The following COMMD1 variants were observed in gnomAD, a reference collection of about 807,000 sequenced individuals.
COMMD1 encodes the protein copper metabolism domain containing 1, also known as COMM domain-containing protein 1.
A neutral mutation model predicts 17.2 loss-of-function variants in COMMD1; 10 were observed. That is an observed-to-expected ratio of 0.58 (90% confidence interval 0.36 to 0.99). The LOEUF is 0.99. Ranked by LOEUF, COMMD1 falls within the 50% of genes least tolerant of loss-of-function variation. The probability of loss-of-function intolerance (pLI) is 0.01; values close to 1 mark genes in which losing one functional copy is unlikely to be tolerated. For missense variants in COMMD1, 270 were observed against 231.8 expected, an observed-to-expected ratio of 1.17 and a Z score of -1.07; for synonymous variants, 97 against 91.6, an observed-to-expected ratio of 1.06 and a Z score of -0.34.
chr2:62,094,273 T>C (rs1450008207), intron 2 of COMMD1, among the ~76,000 whole-genome samples: 1 of 152,098 alleles, frequency 6.6e-6, no homozygotes, highest in Non-Finnish European at 1.5e-5. Flanking sequence ...GCTAACAGAA[T>C]AGTGTTGAGT....
intron 2 of COMMD1, among the ~76,000 whole-genome samples, chr2:62,036,635 G>A (rs1165640610): frequency 2.0e-5 from 3 of 152,172 alleles, no homozygotes; most frequent in Admixed American, 6.5e-5. Context: ...TTTGTTTGTT[G>A]TTGTTGTTTC....
intron 2 of COMMD1, among the ~76,000 whole-genome samples, chr2:62,034,088 C>CAAAAAA (rs34439318): frequency 3.5e-4 from 22 of 62,436 alleles, no homozygotes; most frequent in East Asian, 1.4e-3. Flanking sequence ...GACCCTGTCT[C>CAAAAAA]AAAAAAAAAA....
chr2:62,085,381 C>T (rs1038796495), intron 2 of COMMD1, among the ~76,000 whole-genome samples: 2 of 151,978 alleles, frequency 1.3e-5, no homozygotes, highest in African/African-American at 4.8e-5. Flanking sequence ...CCACACCCGG[C>T]TAATTTTTTG....
At chr2:61,968,271 A>G (rs896867672) in intron 1 of COMMD1, among the ~76,000 whole-genome samples, 6 of 152,236 alleles carry the variant, frequency 3.9e-5, no homozygotes, top group Admixed American at 3.3e-4. Flanking sequence ...CATACTTGTG[A>G]GTCCAAAACA....
At chr2:62,088,879 T>C (rs1671744730) in intron 2 of COMMD1, among the ~76,000 whole-genome samples, 1 of 152,198 alleles carries the variant, frequency 6.6e-6, no homozygotes, top group African/African-American at 2.4e-5. Flanking sequence ...GCATGAGACT[T>C]AATCAAATAC....
At chr2:62,051,570 G>A (rs1274829977) in intron 2 of COMMD1, among the ~76,000 whole-genome samples, 1 of 152,024 alleles carries the variant, frequency 6.6e-6, no homozygotes, top group Non-Finnish European at 1.5e-5. Flanking sequence ...TCTTTAATTT[G>A]ACAAATTTCT....
intron 1 of COMMD1, among the ~76,000 whole-genome samples, chr2:61,984,289 G>T (rs1030258334): frequency 6.6e-6 from 1 of 152,206 alleles, no homozygotes; most frequent in Non-Finnish European, 1.5e-5. Context: ...GCATCCCAAA[G>T]TGTTGGGATT....
intron 2 of COMMD1, among the ~76,000 whole-genome samples, chr2:62,035,108 C>G (rs17514412): frequency 0.14 from 21,293 of 152,200 alleles, 1,948 homozygotes; most frequent in Middle Eastern, 0.19. Flanking sequence ...ATCCACACTA[C>G]TACAGCACAG....
At chr2:61,947,236 G>A (rs1033267411) in intron 1 of COMMD1, among the ~76,000 whole-genome samples, 2 of 152,030 alleles carry the variant, frequency 1.3e-5, no homozygotes, top group Non-Finnish European at 2.9e-5. Flanking sequence ...AACTGTTTCA[G>A]TATTTTATTT....
intron 2 of COMMD1, among the ~76,000 whole-genome samples, chr2:62,056,796 G>A (rs1411364362): frequency 1.3e-5 from 2 of 152,178 alleles, no homozygotes; most frequent in Non-Finnish European, 2.9e-5. Context: ...ATAAGCCAGT[G>A]GAATCGACTT....
chr2:61,954,672 ACTCT>A lies in COMMD1; in HGVS notation c.181-46016_181-46013del, dbSNP rs199801139. ...AGGGCAGGCTAAACCATTATGCTTC[ACTCT>A]CTCTCTCTCTCTTTTTTTTTTTTGA... On this transcript the variant is annotated intron_variant, in intron 1 of 2. Transcript: ENST00000311832. 5.4e-3 allele frequency among the ~76,000 whole-genome samples: 792 copies of A among 147,008 alleles called. 6 individuals carry two copies. Among genetic ancestry groups the A allele is most frequent in the Middle Eastern group, 0.036 (10 of 280 alleles).
At chr2:61,920,130 C>A (rs1056384834) in intron 1 of COMMD1, among the ~76,000 whole-genome samples, 17 of 152,080 alleles carry the variant, frequency 1.1e-4, no homozygotes, top group African/African-American at 3.9e-4. Flanking sequence ...TGTCTTTTCT[C>A]TTTTTCTTTA....
intron 1 of COMMD1, among the ~76,000 whole-genome samples, chr2:61,977,982 C>G (rs1177380696): frequency 1.3e-5 from 2 of 148,478 alleles, no homozygotes; most frequent in Non-Finnish European, 3.0e-5. Flanking sequence ...CAGGGAGATT[C>G]TGTCTGAAAA....
chr2:61,935,768 T>C (rs1231266663), intron 1 of COMMD1, among the ~76,000 whole-genome samples: 3 of 152,194 alleles, frequency 2.0e-5, no homozygotes, highest in Non-Finnish European at 4.4e-5. Context: ...TCTAATCATT[T>C]ATATAAGTGC....
At chr2:62,083,813 A>C (rs1671590195) in intron 2 of COMMD1, among the ~76,000 whole-genome samples, 1 of 152,234 alleles carries the variant, frequency 6.6e-6, no homozygotes, top group Non-Finnish European at 1.5e-5. Context: ...AAGGGATCCA[A>C]CATCTGAGAA....
intron 2 of COMMD1, among the ~76,000 whole-genome samples, chr2:62,036,956 T>C (rs918174881): frequency 3.3e-5 from 5 of 152,218 alleles, no homozygotes; most frequent in Non-Finnish European, 5.9e-5. Flanking sequence ...ATTGGGGTGA[T>C]TGGGGACAAT....
intron 2 of COMMD1, among the ~76,000 whole-genome samples, chr2:62,036,208 C>G (rs778287989): frequency 2.0e-5 from 3 of 149,940 alleles, no homozygotes; most frequent in Non-Finnish European, 2.9e-5. Flanking sequence ...CTTCTATTTG[C>G]TATGATTGGT....
intron 2 of COMMD1, among the ~76,000 whole-genome samples, chr2:62,101,097 T>TAAA (rs60837521): frequency 1.4e-4 from 20 of 146,438 alleles, no homozygotes; most frequent in African/African-American, 4.7e-4. Context: ...GGGCAAGATT[T>TAAA]AAAAAAAAAA....
At chr2:61,971,191 C>T (rs1176130198) in intron 1 of COMMD1, among the ~76,000 whole-genome samples, 1 of 152,234 alleles carries the variant, frequency 6.6e-6, no homozygotes, top group Non-Finnish European at 1.5e-5. Context: ...AATTTTACTT[C>T]TGCGCAGAGG....
Sources: gnomAD v4.1 joint callset for allele counts (sites outside exome capture counted in the v4.1 genomes callset) on GRCh38, gnomAD v4.1.1 for gene constraint, MANE v1.5 for transcripts, NCBI Gene and HGNC (gene_info 2026-07-23, HGNC 2026-07-21) for gene names.